The following AGPAT4 variants were observed in gnomAD, a reference collection of about 807,000 sequenced individuals.
AGPAT4 encodes the protein 1-acyl-sn-glycerol-3-phosphate acyltransferase delta.
AGPAT4 carries 15 observed loss-of-function variants against 48.0 expected under a neutral mutation model. The ratio of observed to expected loss-of-function variants is 0.31; its 90% confidence interval spans 0.21 to 0.48. The LOEUF (loss-of-function observed/expected upper bound fraction) is 0.48. AGPAT4 is among the 20% of genes least tolerant of loss of function. The probability of loss-of-function intolerance (pLI) is 0.99; values close to 1 mark genes in which losing one functional copy is unlikely to be tolerated. For missense variants in AGPAT4, 314 were observed against 482.5 expected (o/e 0.65, Z 3.27); for synonymous variants, 178 against 198.7 (o/e 0.90, Z 0.88).
intron 2 of AGPAT4, among the ~76,000 whole-genome samples, chr6:161,174,889 C>T (rs975679571): frequency 2.6e-5 from 4 of 152,200 alleles, no homozygotes; most frequent in African/African-American, 9.6e-5. Context: ...GCCTTTTCTG[C>T]ATCTCTTGAG....
Position 161,228,894 on chromosome 6 carries a change from C to A in AGPAT4, c.178+3142G>T, listed in dbSNP as rs6935695. Among the ~76,000 whole-genome samples the A allele has an allele frequency of 7.2e-3, 1,100 of 151,986 alleles. 20 individuals are homozygous for A. Among genetic ancestry groups the A allele is most frequent in the African/African-American group, 0.025 (1,048 of 41,424 alleles). On this transcript the variant is annotated intron_variant, in intron 2 of 8. Coordinates refer to ENST00000320285, the MANE Select transcript of AGPAT4 (RefSeq NM_020133.3). The stretch of plus-strand genomic sequence containing the variant: ...TAGGCAAAAATAAGACAAAGCAACC[C>A]TCTAAAAATCATCCATCGAGATTAC...
chr6:161,148,334 C>G lies in AGPAT4; in HGVS notation c.767+853G>C, dbSNP rs1265989168. Among the ~76,000 whole-genome samples, 1 of 152,154 alleles carries G rather than the reference C, an allele frequency of 6.6e-6. No homozygotes were observed. The highest frequency in any genetic ancestry group is 1.5e-5 in the Non-Finnish European group (1 of 68,034). ...GGGAAAGCCAGAGTCATTTTTAGAT[C>G]AGAAGCTACTTAACTTTGGCCGCCA... On this transcript the variant is annotated intron_variant, in intron 6 of 8. Transcript: ENST00000320285. This position sits in a 1 kb window ranked among gnomAD's most constrained non-coding sequence, Gnocchi z 5.5.
chr6:161,153,538 G>T (rs1398873751), intron 4 of AGPAT4, 39 bp from the exon 5 acceptor site: 2 of 1,603,080 alleles, frequency 1.2e-6, no homozygotes, highest in African/African-American at 1.3e-5. Flanking sequence ...CAGCCTCGGG[G>T]TCACACACAG....
rs1402851079 is a variant in AGPAT4 at position 161,223,664 on chromosome 6, G to A, written c.178+8372C>T. ...TTTTTATTCCATAGCCCCGTGGAGT[G>A]GCACCTCAGAGGCCACAGGTTTGAG... On this transcript the variant is annotated intron_variant, in intron 2 of 8. Transcript: ENST00000320285. The surrounding 1 kb of genome is among the most constrained non-coding windows in gnomAD (Gnocchi z 6.3). Among the ~76,000 whole-genome samples, 1 of 152,190 alleles carries A rather than the reference G, an allele frequency of 6.6e-6. No homozygotes were observed. The highest frequency in any genetic ancestry group is 1.5e-5 in the Non-Finnish European group (1 of 68,034).
chr6:161,263,961 GGTTA>G (rs1416870635), intron 1 of AGPAT4, among the ~76,000 whole-genome samples: 1 of 152,064 alleles, frequency 6.6e-6, no homozygotes, highest in Non-Finnish European at 1.5e-5. Flanking sequence ...GCTTTGGGAG[GGTTA>G]GTTAACCTCT....
chr6:161,154,430 G>T lies in AGPAT4; in HGVS notation c.349-120C>A. 1 of 1,134,948 alleles carries T rather than the reference G, an allele frequency of 8.8e-7. No homozygotes were observed. Among genetic ancestry groups the T allele is most frequent in the Non-Finnish European group, 1.2e-6 (1 of 806,914 alleles). The allele number at this position is 1,134,948 out of a possible 1,614,324, so 70.3% of individuals were successfully genotyped here. On this transcript the variant is annotated intron_variant, in intron 3 of 8. Coordinates refer to ENST00000320285, the MANE Select transcript of AGPAT4 (RefSeq NM_020133.3). This position sits in a 1 kb window ranked among gnomAD's most constrained non-coding sequence, Gnocchi z 7.8. ...CGTTCACACCAGACGCCTCGGGACA[G>T]TCCCAGAACACATGCTGTCGAGGCC...
At position 161,130,638 on chromosome 6, in the gene AGPAT4, C is replaced by T; in HGVS notation, c.*5902G>A. 1 of 269,594 alleles carries T rather than the reference C, an allele frequency of 3.7e-6. No individual in the cohort carries two copies. Among genetic ancestry groups the T allele is most frequent in the East Asian group, 8.2e-5 (1 of 12,214 alleles). 16.7% of individuals were successfully genotyped at this position (269,594 alleles called of 1,614,324 possible). ...GGTTAGATCTCTTTCCTTGATAGAA[C>T]AAGCAAAAGAGGGGCTGATCCATCT... On this transcript the variant is annotated 3_prime_UTR_variant, in exon 9 of 9. Coordinates refer to ENST00000320285, the MANE Select transcript of AGPAT4 (RefSeq NM_020133.3).
At chr6:161,136,739 AGCTCAGAGCT>A in intron 8 of AGPAT4, 105 bp from the exon 9 acceptor site, 1 of 959,432 alleles carries the variant, frequency 1.0e-6, no homozygotes. Context: ...CACAAGCGCC[AGCTCAGAGCT>A]GGCTGGCGGG....
At position 161,200,779 on chromosome 6, in the gene AGPAT4, C is replaced by G. The variant is rs1781218258; in HGVS notation, c.178+31257G>C. Reference sequence around the variant, plus strand: ...GCCATACGGTCCATGTGTTACACTGCCCCCGCAGGATGGCTCTTGTCTCTG... The same window carrying G: ...GCCATACGGTCCATGTGTTACACTGGCCCCGCAGGATGGCTCTTGTCTCTG... On this transcript the variant is annotated intron_variant, in intron 2 of 8. Coordinates refer to ENST00000320285, the MANE Select transcript of AGPAT4 (RefSeq NM_020133.3). This position sits in a 1 kb window ranked among gnomAD's most constrained non-coding sequence, Gnocchi z 5.5. Among the ~76,000 whole-genome samples the G allele has an allele frequency of 1.3e-5, 2 of 152,184 alleles. No homozygotes were observed. The highest frequency in any genetic ancestry group is 4.8e-5 in the African/African-American group (2 of 41,444).
At chr6:161,174,076 G>C (rs1404453211) in intron 2 of AGPAT4, among the ~76,000 whole-genome samples, 1 of 152,188 alleles carries the variant, frequency 6.6e-6, no homozygotes, top group African/African-American at 2.4e-5. Flanking sequence ...AAGTCAGGTA[G>C]TGTGATGCCT....
At position 161,159,771 on chromosome 6, in the gene AGPAT4, G is replaced by T. The variant is rs902267306; in HGVS notation, c.349-5461C>A. The stretch of plus-strand genomic sequence containing the variant: ...CGATTCTCCTGCCTCAGCCTCCGGA[G>T]TAGCTGGGATTACAGGCACCTGCCA... On this transcript the variant is annotated intron_variant, in intron 3 of 8. Coordinates refer to ENST00000320285, the MANE Select transcript of AGPAT4 (RefSeq NM_020133.3). The surrounding 1 kb of genome is among the most constrained non-coding windows in gnomAD (Gnocchi z 4.1). Among the ~76,000 whole-genome samples the T allele has an allele frequency of 1.3e-5, 2 of 151,898 alleles. No homozygotes were observed. Among genetic ancestry groups the T allele is most frequent in the East Asian group, 1.9e-4 (1 of 5,158 alleles).
In AGPAT4 at chr6:161,261,739, C is replaced by T. The variant is rs1015672850; in HGVS notation, c.-90+12199G>A. Among the ~76,000 whole-genome samples, 2 of 152,222 alleles carry T rather than the reference C, an allele frequency of 1.3e-5. No homozygotes were observed. The highest frequency in any genetic ancestry group is 4.8e-5 in the African/African-American group (2 of 41,456). ...TACATGTTTGTAAGGGGGTTTCCTC[C>T]ACCTGGTTTTGCCCTCTTTATTCCT... On this transcript the variant is annotated intron_variant, in intron 1 of 8. Transcript: ENST00000320285. This position sits in a 1 kb window ranked among gnomAD's most constrained non-coding sequence, Gnocchi z 5.3.
chr6:161,222,084 T>C lies in AGPAT4; in HGVS notation c.178+9952A>G, dbSNP rs1254479435. ...GAGGGTTGACTATGCTCTGCTCAGG[T>C]CCTGTAAGGCACAGCCTGAAACACC... On this transcript the variant is annotated intron_variant, in intron 2 of 8. Transcript: ENST00000320285. The surrounding 1 kb of genome is among the most constrained non-coding windows in gnomAD (Gnocchi z 5.9). Among the ~76,000 whole-genome samples, 1 of 152,230 alleles carries C rather than the reference T, an allele frequency of 6.6e-6. No individual in the cohort carries two copies. The highest frequency in any genetic ancestry group is 6.5e-5 in the Admixed American group (1 of 15,278).
Position 161,148,495 on chromosome 6 carries a change from GGAT to G in AGPAT4, c.767+689_767+691del, listed in dbSNP as rs1256731295. The stretch of plus-strand genomic sequence containing the variant: ...TTGAATCAGAAGGTTATACGCCCCT[GGAT>G]TAGTTCTCCATTAGTGGGCATTTCA... On this transcript the variant is annotated intron_variant, in intron 6 of 8. Transcript: ENST00000320285. The surrounding 1 kb of genome is among the most constrained non-coding windows in gnomAD (Gnocchi z 5.5). 6.6e-6 allele frequency among the ~76,000 whole-genome samples: 1 copy of G among 152,120 alleles called. No homozygotes were observed. Among genetic ancestry groups the G allele is most frequent in the African/African-American group, 2.4e-5 (1 of 41,424 alleles).
In AGPAT4 at chr6:161,232,171, G is replaced by A. The variant is rs1369532757; in HGVS notation, c.43C>T (p.Leu15=). 1 of 1,614,174 alleles carries A rather than the reference G, an allele frequency of 6.2e-7. No individual in the cohort carries two copies. Among genetic ancestry groups the A allele is most frequent in the Admixed American group, 1.7e-5 (1 of 60,020 alleles). Residue 15 remains leucine (L), a synonymous_variant, in exon 2 of 9, where the codon CTG becomes TTG. Transcript: ENST00000320285. This position sits in a 1 kb window ranked among gnomAD's most constrained non-coding sequence, Gnocchi z 6.8. The part of the protein sequence containing the change: ...GLLKSQFLCH[L]VFCYVFIASG... ...GCAATAAAGACGTAGCAGAAGACCAGGTGGCACAGGAACTGAGACTTCAGC... is the reference window on the plus strand; with the variant it reads ...GCAATAAAGACGTAGCAGAAGACCAAGTGGCACAGGAACTGAGACTTCAGC...
At chr6:161,193,448 A>G (rs1312248944) in intron 2 of AGPAT4, among the ~76,000 whole-genome samples, 1 of 152,216 alleles carries the variant, frequency 6.6e-6, no homozygotes, top group Non-Finnish European at 1.5e-5. Context: ...GGAGATTTCC[A>G]GAGCATCCGG....
At chr6:161,179,757 A>G (rs1780533753) in intron 2 of AGPAT4, among the ~76,000 whole-genome samples, 3 of 151,962 alleles carry the variant, frequency 2.0e-5, no homozygotes, top group Admixed American at 6.6e-5. Flanking sequence ...TAGTACATAC[A>G]TTTTCTCTTT....
At chr6:161,213,481 T>C (rs552514370) in intron 2 of AGPAT4, among the ~76,000 whole-genome samples, 1 of 150,048 alleles carries the variant, frequency 6.7e-6, no homozygotes, top group Non-Finnish European at 1.5e-5. Context: ...TTTTCTGGGC[T>C]ACAAGTCTTC....
In AGPAT4 at chr6:161,155,330, G is replaced by C. The variant is rs1225237777; in HGVS notation, c.349-1020C>G. On this transcript the variant is annotated intron_variant, in intron 3 of 8. Transcript: ENST00000320285. The surrounding 1 kb of genome is among the most constrained non-coding windows in gnomAD (Gnocchi z 5.8). ...TTTGGAACTGGCCAAGATGCTCCTT[G>C]ATCAGTGGGTCGATGACTGATCAAT... Among the ~76,000 whole-genome samples the C allele has an allele frequency of 3.9e-5, 6 of 152,202 alleles. No individual in the cohort carries two copies. Among genetic ancestry groups the C allele is most frequent in the Non-Finnish European group, 8.8e-5 (6 of 68,030 alleles).
Sources: allele counts gnomAD v4.1 joint callset (sites outside exome capture counted in the v4.1 genomes callset), GRCh38; gene constraint gnomAD v4.1.1; non-coding constraint Gnocchi (gnomAD v3.1); transcripts MANE v1.5; gene names NCBI Gene and HGNC (gene_info 2026-07-23, HGNC 2026-07-21).